Variants in USP19 observed in about 807,000 individuals in gnomAD.
USP19 encodes the protein ubiquitin specific peptidase 19, also known as ubiquitin carboxyl-terminal hydrolase 19.
USP19 carries 40 observed loss-of-function variants against 144.8 expected under a neutral mutation model. That is an observed-to-expected ratio of 0.28 (90% confidence interval 0.21 to 0.36). USP19 has a LOEUF of 0.36. Among genes scored for constraint, USP19 ranks in the 10% least tolerant of loss-of-function variants. The pLI, the probability that USP19 is intolerant of heterozygous loss-of-function variation, is 1.00. For missense variants in USP19, 1,518 were observed against 1,822.5 expected (o/e 0.83, Z 3.04); for synonymous variants, 701 against 709.3 (o/e 0.99, Z 0.19).
In USP19 at chr3:49,110,246, T is replaced by TG. The variant is rs1478481184; in HGVS notation, c.3975dup (p.Arg1326GlnfsTer6). ...GGGTGGTGCTCAGAGTGACCTGCCC[T>TG]GGGGGGCCTCTCCACAGGAGAGTTC... On this transcript the variant is annotated frameshift_variant, in exon 26 of 27. Transcript: ENST00000417901. LOFTEE classifies it high-confidence loss of function. This position sits in a 1 kb window ranked among gnomAD's most constrained non-coding sequence, Gnocchi z 6.1. The TG allele has an allele frequency of 6.3e-7, 1 of 1,594,444 alleles. No individual in the cohort carries two copies. Among genetic ancestry groups the TG allele is most frequent in the African/African-American group, 1.3e-5 (1 of 74,476 alleles).
chr3:49,112,522 A>G lies in USP19; in HGVS notation c.2613T>C (p.Ala871=). ...LCFELLSSEL[A]KERVVVLEVQ... The stretch of plus-strand genomic sequence containing the variant: ...CCTCTAGCACCACTACCCGCTCCTT[A>G]GCCAACTCTGAGGATAGCAGCTCAA... The change falls in exon 18 of 27, where the codon GCT becomes GCC. Residue 871 remains alanine (A), a synonymous_variant. Coordinates refer to ENST00000417901, the MANE Select transcript of USP19 (RefSeq NM_001199161.2). This position sits in a 1 kb window ranked among gnomAD's most constrained non-coding sequence, Gnocchi z 4.9. 2 of 1,614,042 alleles carry G rather than the reference A, an allele frequency of 1.2e-6. No homozygotes were observed. The highest frequency in any genetic ancestry group is 1.7e-6 in the Non-Finnish European group (2 of 1,179,942).
intron 17 of USP19, among the ~76,000 whole-genome samples, chr3:49,113,140 G>A (rs2043444198): frequency 6.6e-6 from 1 of 152,170 alleles, no homozygotes; most frequent in African/African-American, 2.4e-5. Flanking sequence ...ATGCAGTTGG[G>A]ATCCACCACC....
chr3:49,118,960 CTG>C (rs2044665916), intron 2 of USP19, 60 bp downstream of exon 2: 2 of 1,609,786 alleles, frequency 1.2e-6, no homozygotes, highest in Non-Finnish European at 1.7e-6. Context: ...AAACCCCAAT[CTG>C]TATACCAATA....
In USP19 at chr3:49,115,692, A is replaced by G; in HGVS notation, c.1692+32T>C. 1 of 1,605,756 alleles carries G rather than the reference A, an allele frequency of 6.2e-7. No homozygotes were observed. The highest frequency in any genetic ancestry group is 8.5e-7 in the Non-Finnish European group (1 of 1,173,446). On this transcript the variant is annotated intron_variant, in intron 11 of 26. Coordinates refer to ENST00000417901, the MANE Select transcript of USP19 (RefSeq NM_001199161.2). The surrounding 1 kb of genome is among the most constrained non-coding windows in gnomAD (Gnocchi z 6.6). ...ACAGCCCCAAGACTCTCCAGCCTCC[A>G]TTCTTCGTCCTTCCCACCCCAGAAT...
At chr3:49,120,284 C>T (rs1384006455) in intron 1 of USP19, among the ~76,000 whole-genome samples, 1 of 152,200 alleles carries the variant, frequency 6.6e-6, no homozygotes, top group African/African-American at 2.4e-5. Flanking sequence ...GGATACCCTT[C>T]TACAGGTCAG....
In USP19 at chr3:49,116,033, G is replaced by A. The variant is rs765112591; in HGVS notation, c.1471+14C>T. On this transcript the variant is annotated intron_variant, in intron 10 of 26. Transcript: ENST00000417901. This position sits in a 1 kb window ranked among gnomAD's most constrained non-coding sequence, Gnocchi z 5.0. ...CACGTGGAACTGGGCAATGAAGGGA[G>A]CTCGTGTGCAGACCTCGTGCAGCCG... 1 of 1,588,286 alleles carries A rather than the reference G, an allele frequency of 6.3e-7. No individual in the cohort carries two copies. Among genetic ancestry groups the A allele is most frequent in the South Asian group, 1.1e-5 (1 of 88,112 alleles).
rs376209766 is a variant in USP19 at position 49,114,736 on chromosome 3, G to A, written c.2292+27C>T. The A allele has an allele frequency of 6.2e-7, 1 of 1,609,420 alleles. No homozygotes were observed. The highest frequency in any genetic ancestry group is 1.1e-5 in the South Asian group (1 of 90,980). On this transcript the variant is annotated intron_variant, in intron 15 of 26. Coordinates refer to ENST00000417901, the MANE Select transcript of USP19 (RefSeq NM_001199161.2). This position sits in a 1 kb window ranked among gnomAD's most constrained non-coding sequence, Gnocchi z 4.5. ...CAGAATAGCTGAGCTGAACTAGGGG[G>A]TCTCTTTCCAGGGGAGCCCATCACA...
In USP19 at chr3:49,111,511, G is replaced by C; in HGVS notation, c.3206C>G (p.Ser1069Cys). ...TCACTGGATCTTACCTTCGGGTCGG[G>C]ACACCCTCTCGCCAGCTGGCAAGGA... ...VGSLPAGERV[S>C]RPEAAVPGYQ... is the part of the protein sequence containing the mutation. The change falls in exon 21 of 27, where the codon TCC (serine) becomes TGC (cysteine). Residue 1069 changes from serine (S) to cysteine (C), a missense_variant. Physicochemically the swap from Ser to Cys is moderately radical, Grantham distance 112. Coordinates refer to ENST00000417901, the MANE Select transcript of USP19 (RefSeq NM_001199161.2). This position sits in a 1 kb window ranked among gnomAD's most constrained non-coding sequence, Gnocchi z 5.9. The C allele has an allele frequency of 1.2e-6, 2 of 1,611,496 alleles. No homozygotes were observed. Among genetic ancestry groups the C allele is most frequent in the Non-Finnish European group, 1.7e-6 (2 of 1,179,904 alleles).
rs1246054275 is a variant in USP19 at position 49,115,788 on chromosome 3, T to A, written c.1628A>T (p.Asp543Val). Residue 543 changes from aspartate to valine, a missense_variant, in exon 11 of 27, where the codon GAC becomes GTC. Physicochemically the swap from Asp to Val is radical, Grantham distance 152. Transcript: ENST00000417901. The surrounding 1 kb of genome is among the most constrained non-coding windows in gnomAD (Gnocchi z 6.6). ...CATGGGTGTGCGGGTTGCCACACTG[T>A]CTAGCCCTGTGTCCTCAGATCGTGC... ...SKARSEDTGL[D>V]SVATRTPMEH... is the part of the protein sequence containing the mutation. 1 of 1,614,124 alleles carries A rather than the reference T, an allele frequency of 6.2e-7. No homozygotes were observed.
At position 49,119,079 on chromosome 3, in the gene USP19, T is replaced by C. The variant is rs201069304; in HGVS notation, c.67A>G (p.Lys23Glu). Residue 23 changes from lysine to glutamate, a missense_variant, in exon 2 of 27, where the codon AAG (lysine) becomes GAG (glutamate). By Grantham distance (56) the Lys-to-Glu change is moderately conservative. Transcript: ENST00000417901. ...TTTGCTCGATCCTTCTGCTTCTTCTTACTAGTGGTGTCCTCCAGTCCTGGG... is the reference window on the plus strand; with the variant it reads ...TTTGCTCGATCCTTCTGCTTCTTCTCACTAGTGGTGTCCTCCAGTCCTGGG... Reference protein sequence around the residue: ...GPPGLEDTTSKKKQKDRANQE... With the variant: ...GPPGLEDTTSEKKQKDRANQE... 3 of 1,614,172 alleles carry C rather than the reference T, an allele frequency of 1.9e-6. No homozygotes were observed. Among genetic ancestry groups the C allele is most frequent in the Non-Finnish European group, 2.5e-6 (3 of 1,180,030 alleles).
At position 49,108,498 on chromosome 3, in the gene USP19, C is replaced by T; in HGVS notation, c.4069G>A (p.Ala1357Thr). Residue 1357 changes from alanine to threonine, a missense_variant, in exon 27 of 27, where the codon GCC (alanine) becomes ACC (threonine). By Grantham distance (58) the Ala-to-Thr change is moderately conservative. This residue lies in a region of USP19 where 118 missense variants were observed against 100.2 expected (regional missense o/e 1.18). Transcript: ENST00000417901. This position sits in a 1 kb window ranked among gnomAD's most constrained non-coding sequence, Gnocchi z 4.8. ...GLGPGQAPEV[A>T]PTRTAPERFA... The stretch of plus-strand genomic sequence containing the variant: ...CGTTCAGGGGCTGTCCGCGTGGGGG[C>T]CACCTCGGGGGCCTGGCCAGGGCCT... 1 of 1,257,750 alleles carries T rather than the reference C, an allele frequency of 8.0e-7. No homozygotes were observed. The highest frequency in any genetic ancestry group is 1.0e-6 in the Non-Finnish European group (1 of 974,916). 77.9% of individuals were successfully genotyped at this position (1,257,750 alleles called of 1,614,324 possible).
intron 2 of USP19, among the ~76,000 whole-genome samples, chr3:49,118,547 C>T (rs1254451549): frequency 6.7e-6 from 1 of 149,754 alleles, no homozygotes. Flanking sequence ...GACGCCACTA[C>T]ACTCTAGCCT....
At position 49,117,423 on chromosome 3, in the gene USP19, C is replaced by T. The variant is rs1300752280; in HGVS notation, c.606+14G>A. 4 of 1,613,920 alleles carry T rather than the reference C, an allele frequency of 2.5e-6. No homozygotes were observed. Among genetic ancestry groups the T allele is most frequent in the Non-Finnish European group, 2.5e-6 (3 of 1,179,980 alleles). ...ACTGGTATCCCTACCCAACCCTGTA[C>T]TACTAGAACTCACCAGGAGGGAGGG... is the stretch of plus-strand genomic sequence containing the variant. On this transcript the variant is annotated intron_variant, in intron 5 of 26. Transcript: ENST00000417901. This position sits in a 1 kb window ranked among gnomAD's most constrained non-coding sequence, Gnocchi z 4.4.
rs2043794038 is a variant in USP19, at chr3:49,114,725, TG to T, written c.2292+37del. The T allele has an allele frequency of 2.5e-6, 4 of 1,605,702 alleles. No individual in the cohort carries two copies. The highest frequency in any genetic ancestry group is 3.4e-6 in the Non-Finnish European group (4 of 1,172,926). On this transcript the variant is annotated intron_variant, in intron 15 of 26. Coordinates refer to ENST00000417901, the MANE Select transcript of USP19 (RefSeq NM_001199161.2). The surrounding 1 kb of genome is among the most constrained non-coding windows in gnomAD (Gnocchi z 4.5). ...CCTAATGTGACCAGAATAGCTGAGCTGAACTAGGGGGTCTCTTTCCAGGGGA... is the reference window on the plus strand; with the variant it reads ...CCTAATGTGACCAGAATAGCTGAGCTAACTAGGGGGTCTCTTTCCAGGGGA...
chr3:49,110,656 G>A lies in USP19; in HGVS notation c.3699-52C>T. 3.1e-6 allele frequency: 5 copies of A among 1,611,396 alleles called. No homozygotes were observed. Among genetic ancestry groups the A allele is most frequent in the Non-Finnish European group, 4.2e-6 (5 of 1,178,352 alleles). Reference sequence around the variant, plus strand: ...GGTGAGACAGGCAACAGGCGCTCAGGATGCCCATCCTGGTCCTCACACCCC... The same window carrying A: ...GGTGAGACAGGCAACAGGCGCTCAGAATGCCCATCCTGGTCCTCACACCCC... On this transcript the variant is annotated intron_variant, in intron 24 of 26. Coordinates refer to ENST00000417901, the MANE Select transcript of USP19 (RefSeq NM_001199161.2). This position sits in a 1 kb window ranked among gnomAD's most constrained non-coding sequence, Gnocchi z 6.1.
rs369612126 is a variant in USP19 at position 49,116,105 on chromosome 3, G to C, written c.1413C>G (p.Ile471Met). 51 of 1,613,110 alleles carry C rather than the reference G, an allele frequency of 3.2e-5. No homozygotes were observed. Among genetic ancestry groups the C allele is most frequent in the Non-Finnish European group, 4.2e-5 (50 of 1,179,826 alleles). Residue 471 changes from isoleucine (I) to methionine (M), a missense_variant, in exon 10 of 27, where the codon ATC becomes ATG. Physicochemically the swap from Ile to Met is conservative, Grantham distance 10. This residue lies in a region of USP19 where 707 missense variants were observed against 728.9 expected (regional missense o/e 0.97). Coordinates refer to ENST00000417901, the MANE Select transcript of USP19 (RefSeq NM_001199161.2). This position sits in a 1 kb window ranked among gnomAD's most constrained non-coding sequence, Gnocchi z 5.0. ...TFCFTASRID[I>M]CLRKRQSQRW... Reference sequence around the variant, plus strand: ...GCTGACTCTGCCTCTTACGAAGGCAGATGTCGATGCGAGAAGCCGTGAAAC... The same window carrying C: ...GCTGACTCTGCCTCTTACGAAGGCACATGTCGATGCGAGAAGCCGTGAAAC...
At position 49,110,874 on chromosome 3, in the gene USP19, CAG is replaced by C. The variant is rs753768562; in HGVS notation, c.3546-13_3546-12del. 6.2e-7 allele frequency: 1 copy of C among 1,614,128 alleles called. No individual in the cohort carries two copies. The highest frequency in any genetic ancestry group is 8.5e-7 in the Non-Finnish European group (1 of 1,180,006). ...CACTGTGGGCAGTACCTGGTGGGGA[CAG>C]AGATTGGGTCAGGACCAGCAAGTCT... On this transcript the variant is annotated splice_polypyrimidine_tract_variant and intron_variant, in intron 23 of 26. Transcript: ENST00000417901. This position sits in a 1 kb window ranked among gnomAD's most constrained non-coding sequence, Gnocchi z 6.1.
chr3:49,113,196 T>C (rs1197147140), intron 17 of USP19, among the ~76,000 whole-genome samples: 2 of 152,250 alleles, frequency 1.3e-5, no homozygotes, highest in Non-Finnish European at 2.9e-5. Context: ...TGAGGGCACT[T>C]CTGTTGCACA....
rs768498459 is a variant in USP19 at position 49,115,689 on chromosome 3, T to A, written c.1692+35A>T. On this transcript the variant is annotated intron_variant, in intron 11 of 26. Coordinates refer to ENST00000417901, the MANE Select transcript of USP19 (RefSeq NM_001199161.2). The surrounding 1 kb of genome is among the most constrained non-coding windows in gnomAD (Gnocchi z 6.6). Reference sequence around the variant, plus strand: ...AGAACAGCCCCAAGACTCTCCAGCCTCCATTCTTCGTCCTTCCCACCCCAG... The same window carrying A: ...AGAACAGCCCCAAGACTCTCCAGCCACCATTCTTCGTCCTTCCCACCCCAG... The A allele has an allele frequency of 4.2e-5, 67 of 1,606,012 alleles. No homozygotes were observed. The highest frequency in any genetic ancestry group is 5.7e-5 in the Non-Finnish European group (67 of 1,173,726).
Sources: gnomAD v4.1 joint callset for allele counts (sites outside exome capture counted in the v4.1 genomes callset) on GRCh38, gnomAD v4.1.1 for gene constraint, gnomAD v4.1.1 regional missense constraint, Gnocchi (gnomAD v3.1) non-coding constraint, MANE v1.5 for transcripts, NCBI Gene and HGNC (gene_info 2026-07-23, HGNC 2026-07-21) for gene names.